The following PAPSS1 variants were observed in gnomAD, a reference collection of about 807,000 sequenced individuals.
PAPSS1 encodes the protein bifunctional 3'-phosphoadenosine 5'-phosphosulfate synthase 1.
A neutral mutation model predicts 72.0 loss-of-function variants in PAPSS1; 50 were observed. The ratio of observed to expected loss-of-function variants is 0.69; its 90% confidence interval spans 0.55 to 0.88. PAPSS1 has a LOEUF of 0.88. Among genes scored for constraint, PAPSS1 ranks in the 40% least tolerant of loss-of-function variants. The pLI, the probability that PAPSS1 is intolerant of heterozygous loss-of-function variation, is 0.00. For synonymous variants in PAPSS1, 261 were observed against 263.6 expected (o/e 0.99, Z 0.09); for missense variants, 657 against 782.2 (o/e 0.84, Z 1.91).
At chr4:107,683,558 G>A (rs953782789) in intron 4 of PAPSS1, among the ~76,000 whole-genome samples, 1 of 152,164 alleles carries the variant, frequency 6.6e-6, no homozygotes, top group African/African-American at 2.4e-5. Flanking sequence ...CACTGGGTTA[G>A]AAGAGGTGGC....
chr4:107,664,194 T>C (rs1162090715), intron 5 of PAPSS1, among the ~76,000 whole-genome samples: 2 of 152,174 alleles, frequency 1.3e-5, no homozygotes, highest in Non-Finnish European at 2.9e-5. Context: ...TCAACTTCAA[T>C]GGTAAGAAAA....
intron 1 of PAPSS1, among the ~76,000 whole-genome samples, chr4:107,705,254 C>A (rs1723310589): frequency 6.6e-6 from 1 of 152,142 alleles, no homozygotes. Flanking sequence ...CTATGTGTCC[C>A]CACACAAATC....
Position 107,666,266 on chromosome 4 carries a change from C to T in PAPSS1, c.670-6194G>A, listed in dbSNP as rs1727314228. On this transcript the variant is annotated intron_variant, in intron 5 of 11. Coordinates refer to ENST00000265174, the MANE Select transcript of PAPSS1 (RefSeq NM_005443.5). ...TTTTAAAACAGTATTTAAAATATCA[C>T]TTTAGATTAAAACCAGCAGCAAGAA... Among the ~76,000 whole-genome samples, 3 of 152,152 alleles carry T rather than the reference C, an allele frequency of 2.0e-5. No individual in the cohort carries two copies. In the South Asian group the frequency reaches 6.2e-4, roughly 32 times the overall value.
chr4:107,636,464 A>C (rs1352244943), intron 10 of PAPSS1, among the ~76,000 whole-genome samples: 2 of 152,104 alleles, frequency 1.3e-5, no homozygotes, highest in East Asian at 3.9e-4. Context: ...TTGGAAAATC[A>C]CTCGTTGAAT....
chr4:107,629,400 C>T (rs1726177178), intron 11 of PAPSS1, among the ~76,000 whole-genome samples: 1 of 152,168 alleles, frequency 6.6e-6, no homozygotes, highest in Admixed American at 6.5e-5. Context: ...ATGCCCAGGA[C>T]CAACAATTTT....
At chr4:107,616,013 C>A (rs1725811278) in intron 11 of PAPSS1, among the ~76,000 whole-genome samples, 1 of 152,100 alleles carries the variant, frequency 6.6e-6, no homozygotes, top group East Asian at 1.9e-4. Context: ...TCATCTAAGC[C>A]TTCCAGGCTG....
chr4:107,640,580 A>T (rs1319561742), intron 10 of PAPSS1, among the ~76,000 whole-genome samples: 1 of 152,198 alleles, frequency 6.6e-6, no homozygotes, highest in Admixed American at 6.5e-5. Context: ...TTACAAAAAA[A>T]TTCTTCACTT....
In PAPSS1 at chr4:107,696,283, T is replaced by C. The variant is rs1004158430; in HGVS notation, c.176-2277A>G. 4.6e-5 allele frequency among the ~76,000 whole-genome samples: 7 copies of C among 152,196 alleles called. No homozygotes were observed. In the East Asian group the frequency reaches 5.8e-4, roughly 13 times the overall value. ...AAAGATACACGCACATGTATGTTTA[T>C]TGCAGCACTATTTACAATAGCAAAA... On this transcript the variant is annotated intron_variant, in intron 2 of 11. Coordinates refer to ENST00000265174, the MANE Select transcript of PAPSS1 (RefSeq NM_005443.5).
intron 5 of PAPSS1, among the ~76,000 whole-genome samples, chr4:107,677,085 G>C (rs1727672505): frequency 6.6e-6 from 1 of 152,132 alleles, no homozygotes; most frequent in African/African-American, 2.4e-5. Context: ...AAAAACCCTA[G>C]AAGAAAACCT....
intron 9 of PAPSS1, among the ~76,000 whole-genome samples, chr4:107,649,418 G>C (rs916558150): frequency 1.3e-5 from 2 of 152,226 alleles, no homozygotes; most frequent in Admixed American, 6.5e-5. Flanking sequence ...AATGCCACTA[G>C]TCCCTGGAAC....
At chr4:107,713,287 T>C (rs1259201142) in intron 1 of PAPSS1, among the ~76,000 whole-genome samples, 1 of 152,094 alleles carries the variant, frequency 6.6e-6, no homozygotes, top group East Asian at 1.9e-4. Context: ...GCATAACCCA[T>C]AGAGACAGAA....
At chr4:107,646,337 A>T (rs1726694576) in intron 9 of PAPSS1, among the ~76,000 whole-genome samples, 1 of 142,228 alleles carries the variant, frequency 7.0e-6, no homozygotes, top group African/African-American at 3.1e-5. Flanking sequence ...ATACACACAC[A>T]TACACACATA....
At chr4:107,712,602 T>C (rs1481110726) in intron 1 of PAPSS1, among the ~76,000 whole-genome samples, 1 of 152,096 alleles carries the variant, frequency 6.6e-6, no homozygotes, top group Non-Finnish European at 1.5e-5. Flanking sequence ...TGGCCGGGCG[T>C]GGTGGCTCAT....
chr4:107,617,059 A>G (rs75684059), intron 11 of PAPSS1, among the ~76,000 whole-genome samples: 3,166 of 152,072 alleles, frequency 0.021, 47 homozygotes, highest in Non-Finnish European at 0.034. Flanking sequence ...CTATCCACTC[A>G]CTAGGGTGGG....
At chr4:107,670,823 C>T (rs957004085) in intron 5 of PAPSS1, among the ~76,000 whole-genome samples, 3 of 152,198 alleles carry the variant, frequency 2.0e-5, no homozygotes, top group Non-Finnish European at 4.4e-5. Context: ...CAAGTGTGAA[C>T]CACCACACCT....
intron 1 of PAPSS1, among the ~76,000 whole-genome samples, chr4:107,716,970 T>C (rs1272907117): frequency 6.6e-6 from 1 of 152,178 alleles, no homozygotes; most frequent in Non-Finnish European, 1.5e-5. Flanking sequence ...CAAATTTAAC[T>C]ATGAAACCTT....
At chr4:107,668,984 GGTT>G (rs977094890) in intron 5 of PAPSS1, among the ~76,000 whole-genome samples, 84 of 152,076 alleles carry the variant, frequency 5.5e-4, no homozygotes, top group African/African-American at 2.0e-3. Flanking sequence ...ACATAAATTT[GGTT>G]ATTATTCCTT....
At chr4:107,663,054 G>A (rs1043822057) in intron 5 of PAPSS1, among the ~76,000 whole-genome samples, 1 of 152,172 alleles carries the variant, frequency 6.6e-6, no homozygotes, top group Non-Finnish European at 1.5e-5. Flanking sequence ...TTCTATGCTA[G>A]GGGGAGAAAA....
In PAPSS1 at chr4:107,687,421, T is replaced by C. The variant is rs148727705; in HGVS notation, c.412-244A>G. 2.8e-3 allele frequency among the ~76,000 whole-genome samples: 424 copies of C among 152,276 alleles called. 3 individuals carry two copies. Among genetic ancestry groups the C allele is most frequent in the Non-Finnish European group, 4.6e-3 (316 of 68,012 alleles). ...TTGGGGAGGTACAGAAGGAAAACAATGAATGTACCACAAACTTTTTCACTC... is the reference window on the plus strand; with the variant it reads ...TTGGGGAGGTACAGAAGGAAAACAACGAATGTACCACAAACTTTTTCACTC... On this transcript the variant is annotated intron_variant, in intron 3 of 11. Coordinates refer to ENST00000265174, the MANE Select transcript of PAPSS1 (RefSeq NM_005443.5).
Sources: allele counts gnomAD v4.1 joint callset (sites outside exome capture counted in the v4.1 genomes callset), GRCh38; gene constraint gnomAD v4.1.1; transcripts MANE v1.5; gene names NCBI Gene and HGNC (gene_info 2026-07-23, HGNC 2026-07-21).